MED16: variants seen among roughly 807,000 people sequenced by gnomAD.
MED16 encodes mediator complex subunit 16, also known as mediator of RNA polymerase II transcription subunit 16.
In MED16, 81 loss-of-function variants were observed where a neutral mutation model predicts 84.4. The observed-to-expected ratio is 0.96, with a 90% CI of 0.80 to 1.15. The LOEUF is 1.15. MED16 is among the 50% of genes most tolerant of loss of function. MED16 has a pLI of 0.00. For missense variants in MED16, 1,585 were observed against 1,245.9 expected, an observed-to-expected ratio of 1.27 and a Z score of -4.10; for synonymous variants, 897 against 552.2, an observed-to-expected ratio of 1.62 and a Z score of -8.76.
chr19:873,620 T>A, intron 10 of MED16, 38 bp from the exon 11 acceptor site: 5 of 1,608,380 alleles, frequency 3.1e-6, no homozygotes, highest in East Asian at 2.2e-5. Flanking sequence ...TCGGGCCTCT[T>A]GTACACACAG....
In MED16 at chr19:871,302, C is replaced by T. The variant is rs985909077; in HGVS notation, c.2099-49G>A. 16 of 1,491,832 alleles carry T rather than the reference C, an allele frequency of 1.1e-5. No individual in the cohort carries two copies. In the Admixed American group the frequency reaches 1.6e-4, roughly 15 times the overall value. The allele number at this position is 1,491,832 out of a possible 1,614,324, so 92.4% of individuals were successfully genotyped here. On this transcript the variant is annotated intron_variant, in intron 12 of 15. Coordinates refer to ENST00000325464, the MANE Select transcript of MED16 (RefSeq NM_005481.3). ...CTCAGCACCCCTGACTGGGGCACCGCCCGGCCACCCGGGACGTGCTGGGAG... is the reference window on the plus strand; with the variant it reads ...CTCAGCACCCCTGACTGGGGCACCGTCCGGCCACCCGGGACGTGCTGGGAG...
chr19:876,188 A>AT (rs1232128083), intron 9 of MED16, among the ~76,000 whole-genome samples: 1 of 152,146 alleles, frequency 6.6e-6, no homozygotes, highest in African/African-American at 2.4e-5. Flanking sequence ...CACAGAGGAA[A>AT]ACAAGTGAAG....
At chr19:888,992 A>C (rs1162150308) in intron 4 of MED16, among the ~76,000 whole-genome samples, 1 of 152,072 alleles carries the variant, frequency 6.6e-6, no homozygotes, top group East Asian at 1.9e-4. Flanking sequence ...CACAGAGGTG[A>C]GGAGTCAGAG....
intron 11 of MED16, among the ~76,000 whole-genome samples, 161 bp downstream of exon 11, chr19:873,288 C>CAGGGGCGGGACTCCAAGT (rs1266577010): frequency 1.8e-3 from 155 of 83,840 alleles, no homozygotes; most frequent in Non-Finnish European, 2.5e-3. Flanking sequence ...GGACTCCAAG[C>CAGGGGCGGGACTCCAAGT]AGGGGCGGGA....
At chr19:884,607 G>A (rs1439150748) in intron 6 of MED16, among the ~76,000 whole-genome samples, 5 of 152,174 alleles carry the variant, frequency 3.3e-5, no homozygotes, top group Non-Finnish European at 5.9e-5. Context: ...AGCCCCTCAC[G>A]GTGTCCCCGC....
intron 1 of MED16, 148 bp downstream of exon 1, chr19:892,938 G>GCCCCGCGCCCCGCGCCCCC (rs869260826): frequency 8.4e-6 from 1 of 118,390 alleles, no homozygotes; most frequent in East Asian, 2.4e-4. Context: ...CGCGCCCCGC[G>GCCCCGCGCCCCGCGCCCCC]CCCCAGGCCG....
chr19:881,299 CTTG>C (rs1337890319), intron 7 of MED16, among the ~76,000 whole-genome samples: 1 of 152,196 alleles, frequency 6.6e-6, no homozygotes, highest in Non-Finnish European at 1.5e-5. Flanking sequence ...CCCAGGCTCC[CTTG>C]TTGATTTGCA....
At chr19:891,313 C>T (rs971375040) in intron 1 of MED16, among the ~76,000 whole-genome samples, 164 bp from the exon 2 acceptor site, 3 of 152,136 alleles carry the variant, frequency 2.0e-5, no homozygotes, top group Non-Finnish European at 2.9e-5. Context: ...CGAGGGGGAA[C>T]ATGGAGAGGT....
chr19:877,322 GTC>G (rs1238645633), intron 8 of MED16, 142 bp from the exon 9 acceptor site: 12 of 728,888 alleles, frequency 1.6e-5, no homozygotes, highest in Non-Finnish European at 2.2e-5. Context: ...GCGCGCATGT[GTC>G]TGTAGCGTCT....
chr19:873,723 G>C (rs2036158371), intron 10 of MED16, 141 bp from the exon 11 acceptor site: 1 of 1,012,626 alleles, frequency 9.9e-7, no homozygotes, highest in Non-Finnish European at 1.4e-6. Context: ...AACGAGAAGG[G>C]GGCGATGGCG....
At chr19:885,459 G>T (rs529728663) in intron 5 of MED16, among the ~76,000 whole-genome samples, 1 of 152,118 alleles carries the variant, frequency 6.6e-6, no homozygotes, top group Non-Finnish European at 1.5e-5. Flanking sequence ...ACGTTGGGGG[G>T]GGTCCGGGGG....
rs866511145 is a variant in MED16 at position 868,945 on chromosome 19, C to A, written c.2317G>T (p.Ala773Ser). Residue 773 changes from alanine (A) to serine (S), a missense_variant and splice_region_variant, in exon 14 of 16, where the codon GCC (alanine) becomes TCC (serine). Transcript: ENST00000325464. ...ATLQLDGLARAPGQPKIDHLR... is the reference protein window; with the variant it reads ...ATLQLDGLARSPGQPKIDHLR... The stretch of plus-strand genomic sequence containing the variant: ...TGGTCGATCTTGGGCTGGCCTGGGG[C>A]CCTGGCGGGAGAGGGGAGAACGTGA... 3 of 1,536,512 alleles carry A rather than the reference C, an allele frequency of 2.0e-6. No homozygotes were observed.
In MED16 at chr19:871,210, C is replaced by T; in HGVS notation, c.2142G>A (p.Val714=). Residue 714 remains valine, a synonymous_variant, in exon 13 of 16, where the codon GTG becomes GTA. Coordinates refer to ENST00000325464, the MANE Select transcript of MED16 (RefSeq NM_005481.3). The part of the protein sequence containing the change: ...GPASEPDEAL[V]DECCLLPSQL... ...GGCTGGGCAGCAGGCAGCATTCATCCACCAGCGCCTCGTCCGGCTCGCTCG... is the reference window on the plus strand; with the variant it reads ...GGCTGGGCAGCAGGCAGCATTCATCTACCAGCGCCTCGTCCGGCTCGCTCG... 1.3e-6 allele frequency: 2 copies of T among 1,549,758 alleles called. No homozygotes were observed. The highest frequency in any genetic ancestry group is 1.7e-6 in the Non-Finnish European group (2 of 1,146,144).
In MED16 at chr19:877,028, G is replaced by A. The variant is rs148553311; in HGVS notation, c.1506C>T (p.Ser502=). 249 of 1,612,384 alleles carry A rather than the reference G, an allele frequency of 1.5e-4. 3 individuals carry two copies. In the Middle Eastern group the frequency reaches 2.3e-3, roughly 15 times the overall value. ...LLHVQPSMVQ[S]LVEKLHEEYT... is the part of the protein sequence containing the mutation. ...ACTCCTCGTGCAGCTTCTCCACCAG[G>A]CTCTGTACCATACTGGGCTGCACGT... The change falls in exon 9 of 16, where the codon AGC becomes AGT. Residue 502 remains serine, a synonymous_variant. Transcript: ENST00000325464.
Position 868,109 on chromosome 19 carries a change from G to T in MED16, c.2626C>A (p.Arg876Ser). 6.2e-7 allele frequency: 1 copy of T among 1,608,196 alleles called. No individual in the cohort carries two copies. ...RSLDHLHPED[R>S]P ...GCCTGGACCCCCGGCCGTCACGGAC[G>T]GTCCTCTGGATGCAGATGGTCCAGG... Residue 876 changes from arginine to serine, a missense_variant, in exon 16 of 16, where the codon CGT becomes AGT. Arg to Ser is a moderately radical substitution (Grantham distance 110). Transcript: ENST00000325464.
At chr19:884,436 G>A (rs930173491) in intron 6 of MED16, among the ~76,000 whole-genome samples, 5 of 152,048 alleles carry the variant, frequency 3.3e-5, no homozygotes, top group Admixed American at 6.6e-5. Context: ...GGTGGGGGGC[G>A]TGTTCTCAGC....
chr19:880,263 GC>G, intron 7 of MED16, 115 bp from the exon 8 acceptor site: 7 of 930,666 alleles, frequency 7.5e-6, no homozygotes, highest in East Asian at 3.2e-5. Context: ...CAGGGGGTCA[GC>G]CCCCGCCAAT....
intron 8 of MED16, among the ~76,000 whole-genome samples, chr19:878,833 T>C (rs1466135679): frequency 1.9e-4 from 8 of 41,482 alleles, no homozygotes; most frequent in African/African-American, 5.8e-4. Context: ...CTTCCCCTGG[T>C]TGTCAATGCC....
intron 10 of MED16, among the ~76,000 whole-genome samples, chr19:874,568 G>A (rs1343075369): frequency 6.6e-6 from 1 of 152,160 alleles, no homozygotes. Flanking sequence ...AAAACGGAAG[G>A]AGGAGCAGAC....
Sources: allele counts gnomAD v4.1 joint callset (sites outside exome capture counted in the v4.1 genomes callset), GRCh38; gene constraint gnomAD v4.1.1; transcripts MANE v1.5; gene names NCBI Gene and HGNC (gene_info 2026-07-23, HGNC 2026-07-21).